Variants in FAM107B observed in about 807,000 individuals in gnomAD.
The protein encoded by FAM107B is protein FAM107B.
FAM107B carries 21 observed loss-of-function variants against 31.5 expected under a neutral mutation model. The observed-to-expected ratio is 0.67, with a 90% confidence interval of 0.47 to 0.96. FAM107B has a LOEUF of 0.96. Among genes scored for constraint, FAM107B ranks in the 40% least tolerant of loss-of-function variants. FAM107B has a pLI of 0.00. For synonymous variants in FAM107B, 157 were observed against 141.5 expected (o/e 1.11, Z -0.78); for missense variants, 452 against 377.1 (o/e 1.20, Z -1.64).
At chr10:14,619,253 G>A (rs144175085) in intron 2 of FAM107B, among the ~76,000 whole-genome samples, 2 of 152,244 alleles carry the variant, frequency 1.3e-5, no homozygotes, top group Non-Finnish European at 2.9e-5. Flanking sequence ...CGGTCAGTCG[G>A]TGTACATTTC....
chr10:14,576,868 G>A (rs1203800032), intron 2 of FAM107B, among the ~76,000 whole-genome samples: 1 of 152,066 alleles, frequency 6.6e-6, no homozygotes, highest in Non-Finnish European at 1.5e-5. Flanking sequence ...ATAGAGAAGG[G>A]GTATTTTAGA....
rs1554835532 is a variant in FAM107B at position 14,572,760 on chromosome 10, T to TA, written c.470-42246_470-42245insT. On this transcript the variant is annotated intron_variant, in intron 2 of 4. Coordinates refer to ENST00000181796, the MANE Select transcript of FAM107B (RefSeq NM_031453.4). ...AAATTTATATATATATATATATATATTAGAGTGTGTGTGTATATATGTTAT... is the reference window on the plus strand; with the variant it reads ...AAATTTATATATATATATATATATATATAGAGTGTGTGTGTATATATGTTAT... Among the ~76,000 whole-genome samples the TA allele has an allele frequency of 3.3e-3, 452 of 136,988 alleles. 5 individuals are homozygous for TA. Among genetic ancestry groups the TA allele is most frequent in the East Asian group, 9.4e-3 (43 of 4,578 alleles). The allele number at this position is 136,988 out of a possible 152,430, so 89.9% of individuals were successfully genotyped here. A position where few individuals can be genotyped will look rare whatever the true frequency, so the allele number is the denominator to read the frequency against.
At chr10:14,713,805 T>C (rs964777193) in intron 1 of FAM107B, among the ~76,000 whole-genome samples, 8 of 152,022 alleles carry the variant, frequency 5.3e-5, no homozygotes, top group Admixed American at 3.3e-4. Flanking sequence ...GTAGGCTGGA[T>C]TAGGAAAATG....
intron 2 of FAM107B, among the ~76,000 whole-genome samples, chr10:14,621,570 T>C (rs573767282): frequency 6.6e-6 from 1 of 151,114 alleles, no homozygotes; most frequent in East Asian, 2.0e-4. Flanking sequence ...AATTAAAGAA[T>C]ATAAAAAGGA....
chr10:14,719,292 A>G (rs1009472818), intron 1 of FAM107B, among the ~76,000 whole-genome samples: 1 of 152,248 alleles, frequency 6.6e-6, no homozygotes, highest in African/African-American at 2.4e-5. Flanking sequence ...CCTCTAAAAT[A>G]AGAATCCTGA....
intron 2 of FAM107B, among the ~76,000 whole-genome samples, chr10:14,591,084 C>A (rs1281199200): frequency 6.7e-6 from 1 of 149,344 alleles, no homozygotes. Flanking sequence ...CTCTAGTTAT[C>A]TTAAACTCAT....
intron 3 of FAM107B, chr10:14,530,086 T>C: frequency 2.4e-6 from 1 of 408,380 alleles, no homozygotes; most frequent in Non-Finnish European, 4.5e-6. Context: ...ACACATCCAT[T>C]TCAGAAGGGA....
At chr10:14,644,423 G>A (rs959425562) in intron 2 of FAM107B, among the ~76,000 whole-genome samples, 9 of 152,316 alleles carry the variant, frequency 5.9e-5, no homozygotes, top group East Asian at 1.9e-4. Flanking sequence ...CATCCAGCAC[G>A]GCTCATGTTG....
chr10:14,537,559 CTGGGCTGCGG>C (rs780766493), intron 2 of FAM107B, among the ~76,000 whole-genome samples: 6 of 152,142 alleles, frequency 3.9e-5, no homozygotes, highest in Non-Finnish European at 8.8e-5. Context: ...AATGCAACTG[CTGGGCTGCGG>C]TGGCTCATAC....
intron 1 of FAM107B, among the ~76,000 whole-genome samples, chr10:14,741,632 A>G (rs1398574935): frequency 6.6e-6 from 1 of 150,414 alleles, no homozygotes; most frequent in East Asian, 2.0e-4. Flanking sequence ...AAATCCAGTC[A>G]CCAGCACTGT....
chr10:14,710,407 T>G (rs887861254), intron 1 of FAM107B, among the ~76,000 whole-genome samples: 7 of 150,386 alleles, frequency 4.7e-5, no homozygotes, highest in African/African-American at 1.7e-4. Context: ...CATATATACA[T>G]ATTTTTTTGC....
chr10:14,713,253 C>A (rs1429961263), intron 1 of FAM107B, among the ~76,000 whole-genome samples: 1 of 152,174 alleles, frequency 6.6e-6, no homozygotes, highest in East Asian at 1.9e-4. Context: ...TCCATAAATG[C>A]CAGTAAAGCT....
intron 2 of FAM107B, among the ~76,000 whole-genome samples, chr10:14,663,185 A>G (rs1018787192): frequency 1.4e-4 from 21 of 152,104 alleles, no homozygotes; most frequent in Non-Finnish European, 2.9e-4. Context: ...CCTACTTTTG[A>G]GATTTTGGGT....
At chr10:14,698,050 AGGAGGT>A (rs911832644) in intron 1 of FAM107B, among the ~76,000 whole-genome samples, 13 of 152,092 alleles carry the variant, frequency 8.5e-5, no homozygotes, top group African/African-American at 3.1e-4. Flanking sequence ...GATTGAACCC[AGGAGGT>A]GGAGGTTGCA....
chr10:14,597,803 A>G (rs1852235564), intron 2 of FAM107B, among the ~76,000 whole-genome samples: 2 of 152,172 alleles, frequency 1.3e-5, no homozygotes, highest in Admixed American at 1.3e-4. Context: ...TACAAAAGTG[A>G]GCCAGGCGTG....
intron 2 of FAM107B, among the ~76,000 whole-genome samples, chr10:14,658,601 C>G (rs1331453310): frequency 6.6e-6 from 1 of 152,144 alleles, no homozygotes; most frequent in Non-Finnish European, 1.5e-5. Flanking sequence ...AAGAATTGTG[C>G]GAGGAGCTGG....
intron 2 of FAM107B, among the ~76,000 whole-genome samples, chr10:14,544,510 T>C (rs1848524749): frequency 1.3e-5 from 2 of 152,236 alleles, no homozygotes; most frequent in Non-Finnish European, 2.9e-5. Flanking sequence ...GAAGTTTTTC[T>C]TATTCCCTTA....
chr10:14,753,385 C>T (rs1021487819), intron 1 of FAM107B, among the ~76,000 whole-genome samples: 4 of 152,196 alleles, frequency 2.6e-5, no homozygotes, highest in Admixed American at 6.5e-5. Flanking sequence ...ACATCAAAGC[C>T]GTGAAGATTA....
chr10:14,693,602 G>A (rs1384470548), intron 1 of FAM107B, among the ~76,000 whole-genome samples: 1 of 152,094 alleles, frequency 6.6e-6, no homozygotes. Flanking sequence ...AATTTTGTGT[G>A]GCAAGAGCGG....
Sources: allele counts gnomAD v4.1 joint callset (sites outside exome capture counted in the v4.1 genomes callset), GRCh38; gene constraint gnomAD v4.1.1; transcripts MANE v1.5; gene names NCBI Gene and HGNC (gene_info 2026-07-23, HGNC 2026-07-21).